The following HERC2 variants were observed in gnomAD, a reference collection of about 807,000 sequenced individuals.
HERC2 encodes E3 ubiquitin-protein ligase HERC2.
A neutral mutation model predicts 537.7 loss-of-function variants in HERC2; 102 were observed. The observed-to-expected ratio is 0.19, with a 90% CI of 0.16 to 0.22. The LOEUF is 0.22. HERC2 is among the 10% of genes least tolerant of loss of function. HERC2 has a pLI of 1.00. For missense variants in HERC2, 4,236 were observed against 6,198.2 expected, an observed-to-expected ratio of 0.68 and a Z score of 10.63; for synonymous variants, 2,224 against 2,466.2, an observed-to-expected ratio of 0.90 and a Z score of 2.91.
intron 86 of HERC2, among the ~76,000 whole-genome samples, chr15:28,120,094 C>T (rs1888711926): frequency 6.6e-6 from 1 of 152,208 alleles, no homozygotes; most frequent in African/African-American, 2.4e-5. Context: ...GCCTTGCCTA[C>T]AAGCTATAAT....
chr15:28,235,212 G>A lies in HERC2; in HGVS notation c.4004-928C>T, dbSNP rs535415881. Among the ~76,000 whole-genome samples the A allele has an allele frequency of 4.7e-4, 72 of 152,194 alleles. No individual in the cohort carries two copies. The South Asian group carries it at 7.9e-3, about 17-fold the overall frequency. ...CACAACCCACCACATTCGTTCTTCT[G>A]AAACACTAATCCAATGCCGACTCTC... On this transcript the variant is annotated intron_variant, in intron 26 of 92. Coordinates refer to ENST00000261609, the MANE Select transcript of HERC2 (RefSeq NM_004667.6).
At chr15:28,293,050 T>C (rs2076361840) in intron 3 of HERC2, 28 bp from the exon 4 acceptor site, 10 of 1,593,698 alleles carry the variant, frequency 6.3e-6, no homozygotes, top group Non-Finnish European at 8.5e-6. Flanking sequence ...TTTTAATCTG[T>C]CACCGCTTTT....
chr15:28,257,847 A>AT (rs955108602), intron 16 of HERC2, among the ~76,000 whole-genome samples: 93 of 148,202 alleles, frequency 6.3e-4, no homozygotes, highest in African/African-American at 1.2e-3. Flanking sequence ...AGCCTGGCTA[A>AT]TTTTTTTTTT....
intron 81 of HERC2, 115 bp from the exon 82 acceptor site, chr15:28,130,709 T>C: frequency 1.2e-6 from 1 of 811,950 alleles, no homozygotes; most frequent in Admixed American, 1.9e-5. Flanking sequence ...GTACCCATGA[T>C]GAATAATTAG....
At position 28,221,905 on chromosome 15, in the gene HERC2, C is replaced by T. The variant is rs1900557437; in HGVS notation, c.5652+123G>A. 3.4e-6 allele frequency: 3 copies of T among 870,896 alleles called. No individual in the cohort carries two copies. The South Asian group carries it at 4.0e-5, about 12-fold the overall frequency. 53.9% of individuals were successfully genotyped at this position (870,896 alleles called of 1,614,324 possible). A position where few individuals can be genotyped will look rare whatever the true frequency, so the allele number is the denominator to read the frequency against. ...CCCTTCGGCTGCTCGGGAACCAACA[C>T]CTGTGTCATCAATCAACTGACACAT... On this transcript the variant is annotated intron_variant, in intron 36 of 92. Transcript: ENST00000261609.
chr15:28,196,200 A>C lies in HERC2; in HGVS notation c.8260+15T>G. The stretch of plus-strand genomic sequence containing the variant: ...AATATTTGGTGGAAGAGAGAATATA[A>C]ACATTCTGCCATACCTGGTTCATTT... On this transcript the variant is annotated intron_variant, in intron 52 of 92. Transcript: ENST00000261609. 2 of 1,201,508 alleles carry C rather than the reference A, an allele frequency of 1.7e-6. No homozygotes were observed. Among genetic ancestry groups the C allele is most frequent in the Non-Finnish European group, 2.4e-6 (2 of 846,100 alleles). The allele number at this position is 1,201,508 out of a possible 1,614,324, so 74.4% of individuals were successfully genotyped here.
At chr15:28,220,430 A>C in intron 37 of HERC2, 22 bp downstream of exon 37, 1 of 1,605,126 alleles carries the variant, frequency 6.2e-7, no homozygotes, top group Non-Finnish European at 8.5e-7. Flanking sequence ...CCTTGGACTA[A>C]ACACCTTCCT....
chr15:28,120,022 G>A (rs553131786), intron 86 of HERC2, among the ~76,000 whole-genome samples: 1 of 152,306 alleles, frequency 6.6e-6, no homozygotes, highest in African/African-American at 2.4e-5. Context: ...GCGGTTTTGA[G>A]GGAGGTGCAA....
At chr15:28,293,737 T>G (rs1257294693) in intron 3 of HERC2, among the ~76,000 whole-genome samples, 1 of 152,150 alleles carries the variant, frequency 6.6e-6, no homozygotes, top group Non-Finnish European at 1.5e-5. Context: ...TACAAGGCCC[T>G]ACTCCACTGC....
chr15:28,182,448 A>C lies in HERC2; in HGVS notation c.8890T>G (p.Trp2964Gly). Residue 2964 changes from tryptophan (W) to glycine (G), a missense_variant, in exon 57 of 93, where the codon TGG becomes GGG. By Grantham distance (184) the Trp-to-Gly change is radical. Coordinates refer to ENST00000261609, the MANE Select transcript of HERC2 (RefSeq NM_004667.6). ...AATIRTKVFV[W>G]GLNDKDQLGG... is the part of the protein sequence containing the mutation. ...AGCTGGTCCTTGTCATTCAGGCCCCACACAAACACCTTGGTTCTTATCGTA... is the reference window on the plus strand; with the variant it reads ...AGCTGGTCCTTGTCATTCAGGCCCCCCACAAACACCTTGGTTCTTATCGTA... The C allele has an allele frequency of 6.2e-7, 1 of 1,614,000 alleles. No homozygotes were observed. Among genetic ancestry groups the C allele is most frequent in the Non-Finnish European group, 8.5e-7 (1 of 1,180,006 alleles).
At chr15:28,191,546 C>T (rs1896855272) in intron 53 of HERC2, among the ~76,000 whole-genome samples, 1 of 152,196 alleles carries the variant, frequency 6.6e-6, no homozygotes, top group Non-Finnish European at 1.5e-5. Context: ...GAGAAAGGCC[C>T]TGTCCTAAAG....
intron 67 of HERC2, 54 bp from the exon 68 acceptor site, chr15:28,167,881 A>T: frequency 6.4e-7 from 1 of 1,551,474 alleles, no homozygotes. Context: ...TCAGCAACAT[A>T]ACACATTTCC....
chr15:28,183,628 T>C (rs930894669), intron 56 of HERC2, among the ~76,000 whole-genome samples: 11 of 152,242 alleles, frequency 7.2e-5, no homozygotes, highest in African/African-American at 2.4e-5. Flanking sequence ...TGCTAAGGAA[T>C]TGCTGCTTCT....
At chr15:28,262,806 T>TA in intron 15 of HERC2, 112 bp downstream of exon 15, 1 of 1,155,472 alleles carries the variant, frequency 8.7e-7, no homozygotes, top group Non-Finnish European at 1.2e-6. Flanking sequence ...GTTAAGAACA[T>TA]AAAACCTGCT....
chr15:28,168,275 T>G, intron 67 of HERC2, 132 bp downstream of exon 67: 1 of 831,930 alleles, frequency 1.2e-6, no homozygotes, highest in Non-Finnish European at 1.9e-6. Flanking sequence ...AGAATATTCT[T>G]CTAAGTAAAG....
intron 2 of HERC2, among the ~76,000 whole-genome samples, chr15:28,305,105 C>T (rs1404984196): frequency 1.4e-5 from 2 of 144,534 alleles, no homozygotes; most frequent in African/African-American, 5.1e-5. Context: ...TTTCTTAATC[C>T]AGTCTATCAT....
At chr15:28,291,448 A>C (rs565104849) in intron 4 of HERC2, among the ~76,000 whole-genome samples, 361 of 152,222 alleles carry the variant, frequency 2.4e-3, no homozygotes, top group Admixed American at 3.8e-3. Flanking sequence ...AGGAAAAAAA[A>C]CCCTGAATAT....
rs750115906 is a variant in HERC2 at position 28,274,293 on chromosome 15, C to T, written c.798G>A (p.Thr266=). The change falls in exon 7 of 93, where the codon ACG becomes ACA. Residue 266 remains threonine, a splice_region_variant and synonymous_variant. Coordinates refer to ENST00000261609, the MANE Select transcript of HERC2 (RefSeq NM_004667.6). ...RATRFLRSVV[T]GDVHGTPATK... ...AGGCAAGAAAGGAAAGAACTCACCCCGTCACGACGGACCTGAGGAACCTGG... is the reference window on the plus strand; with the variant it reads ...AGGCAAGAAAGGAAAGAACTCACCCTGTCACGACGGACCTGAGGAACCTGG... The T allele has an allele frequency of 5.6e-6, 9 of 1,614,110 alleles. No homozygotes were observed. Among genetic ancestry groups the T allele is most frequent in the Admixed American group, 5.0e-5 (3 of 60,016 alleles).
chr15:28,115,901 C>T (rs567115551), intron 88 of HERC2, among the ~76,000 whole-genome samples: 4 of 152,306 alleles, frequency 2.6e-5, no homozygotes, highest in South Asian at 2.1e-4. Context: ...GACGCACAGC[C>T]GAGGACACCC....
Sources: allele counts gnomAD v4.1 joint callset (sites outside exome capture counted in the v4.1 genomes callset), GRCh38; gene constraint gnomAD v4.1.1; transcripts MANE v1.5; gene names NCBI Gene and HGNC (gene_info 2026-07-23, HGNC 2026-07-21).